Variants in PRUNE2 observed in about 807,000 individuals in gnomAD.
The protein encoded by PRUNE2 is protein prune homolog 2.
PRUNE2 carries 164 observed loss-of-function variants against 252.0 expected under a neutral mutation model. That is an observed-to-expected ratio of 0.65 (90% CI 0.57 to 0.74). The LOEUF (loss-of-function observed/expected upper bound fraction) is 0.74, where lower values mean the gene tolerates loss of function less well. PRUNE2 is among the 30% of genes least tolerant of loss of function. The pLI, the probability that PRUNE2 is intolerant of heterozygous loss-of-function variation, is 0.00. For missense variants in PRUNE2, 3,495 were observed against 3,711.0 expected (o/e 0.94, Z 1.51); for synonymous variants, 1,292 against 1,350.2 (o/e 0.96, Z 0.94).
chr9:76,624,616 T>C (rs1371897888), intron 16 of PRUNE2, 126 bp from the exon 17 acceptor site: 2 of 558,362 alleles, frequency 3.6e-6, no homozygotes, highest in Non-Finnish European at 5.8e-6. Context: ...AACTGTCTTC[T>C]GGAGCCCTGA....
chr9:76,882,685 C>A (rs2061857683), intron 1 of PRUNE2, among the ~76,000 whole-genome samples: 1 of 152,194 alleles, frequency 6.6e-6, no homozygotes, highest in Non-Finnish European at 1.5e-5. Context: ...CACTCACTAT[C>A]ACAGGAGCCG....
Position 76,636,652 on chromosome 9 carries a change from T to G in PRUNE2, c.8964-95A>C, listed in dbSNP as rs2132588802. 4 of 723,714 alleles carry G rather than the reference T, an allele frequency of 5.5e-6. No homozygotes were observed. In the Admixed American group the frequency reaches 1.0e-4, roughly 18 times the overall value. The allele number at this position is 723,714 out of a possible 1,614,324, so 44.8% of individuals were successfully genotyped here. ...TATTCCTAAATAAGAATATATATAA[T>G]TTAAGTCTGGCATGGTAGCTCATGC... On this transcript the variant is annotated intron_variant, in intron 14 of 18. Coordinates refer to ENST00000376718, the MANE Select transcript of PRUNE2 (RefSeq NM_015225.3).
rs2046402442 is a variant in PRUNE2, at chr9:76,707,637, G to C, written c.4637C>G (p.Ser1546Ter). 1.2e-6 allele frequency: 2 copies of C among 1,613,834 alleles called. No homozygotes were observed. Among genetic ancestry groups the C allele is most frequent in the East Asian group, 4.5e-5 (2 of 44,852 alleles). Residue 1546 changes from serine (S) to a stop codon, truncating the protein, a stop_gained, in exon 8 of 19, where the codon TCA becomes TGA. Coordinates refer to ENST00000376718, the MANE Select transcript of PRUNE2 (RefSeq NM_015225.3). LOFTEE classifies it high-confidence loss of function. ...ISSEYTHSSA[S>*]SPELNDSSVA... Reference sequence around the variant, plus strand: ...TGAAGAGTCATTTAACTCAGGACTTGATGCACTTGAATGAGTATACTCACT... The same window carrying C: ...TGAAGAGTCATTTAACTCAGGACTTCATGCACTTGAATGAGTATACTCACT...
chr9:76,838,553 G>T (rs539755576), intron 4 of PRUNE2, among the ~76,000 whole-genome samples: 1 of 151,168 alleles, frequency 6.6e-6, no homozygotes, highest in African/African-American at 2.4e-5. Context: ...GCTGAGGCAG[G>T]AGAATTGCTT....
At chr9:76,678,585 T>C (rs565906499) in intron 9 of PRUNE2, among the ~76,000 whole-genome samples, 2 of 150,924 alleles carry the variant, frequency 1.3e-5, no homozygotes, top group East Asian at 1.9e-4. Context: ...ATCCCAGCAC[T>C]TTAGGAGGCC....
In PRUNE2 at chr9:76,703,396, C is replaced by T. The variant is rs375034226; in HGVS notation, c.8217G>A (p.Thr2739=). ...QPVQKNMIPD[T]EMEEETEFLE... ...GGAACTCTGTCTCCTCCTCCATTTCCGTGTCAGGGATCATGTTTTTCTGAA... is the reference window on the plus strand; with the variant it reads ...GGAACTCTGTCTCCTCCTCCATTTCTGTGTCAGGGATCATGTTTTTCTGAA... Residue 2739 remains threonine, a synonymous_variant, in exon 9 of 19, where the codon ACG becomes ACA. Coordinates refer to ENST00000376718, the MANE Select transcript of PRUNE2 (RefSeq NM_015225.3). 116 of 1,612,652 alleles carry T rather than the reference C, an allele frequency of 7.2e-5. No homozygotes were observed. Among genetic ancestry groups the T allele is most frequent in the Non-Finnish European group, 9.1e-5 (107 of 1,179,236 alleles).
chr9:76,707,259 G>C lies in PRUNE2; in HGVS notation c.5015C>G (p.Thr1672Ser), dbSNP rs2046377685. Residue 1672 changes from threonine (T) to serine (S), a missense_variant, in exon 8 of 19, where the codon ACT becomes AGT. Coordinates refer to ENST00000376718, the MANE Select transcript of PRUNE2 (RefSeq NM_015225.3). Reference protein sequence around the residue: ...QEKNEHDISATVQPEDARVIS... With the variant: ...QEKNEHDISASVQPEDARVIS... ...GACCCTGGCATCCTCTGGCTGCACA[G>C]TTGCAGAAATGTCATGTTCATTTTT... 1 of 1,613,804 alleles carries C rather than the reference G, an allele frequency of 6.2e-7. No individual in the cohort carries two copies. The highest frequency in any genetic ancestry group is 1.3e-5 in the African/African-American group (1 of 74,896).
At chr9:76,616,104 G>A (rs72730645) in intron 18 of PRUNE2, among the ~76,000 whole-genome samples, 353 of 151,958 alleles carry the variant, frequency 2.3e-3, no homozygotes, top group Non-Finnish European at 3.7e-3. Flanking sequence ...ATAGCTCTTC[G>A]CTTTATTACC....
intron 9 of PRUNE2, among the ~76,000 whole-genome samples, chr9:76,666,917 A>T (rs2040311473): frequency 6.6e-6 from 1 of 152,092 alleles, no homozygotes; most frequent in African/African-American, 2.4e-5. Flanking sequence ...GTGGTGGTGC[A>T]TGCCTGTAAT....
chr9:76,658,886 T>G (rs1382559793), intron 9 of PRUNE2, among the ~76,000 whole-genome samples: 1 of 152,276 alleles, frequency 6.6e-6, no homozygotes, highest in East Asian at 1.9e-4. Context: ...CAAGTATTTC[T>G]GGCTCTCTGC....
At chr9:76,850,780 TA>T (rs1386994353) in intron 2 of PRUNE2, 115 bp from the exon 3 acceptor site, 1 of 734,720 alleles carries the variant, frequency 1.4e-6, no homozygotes, top group Non-Finnish European at 2.3e-6. Flanking sequence ...CTGGCCTCAC[TA>T]AACCACTTGG....
chr9:76,796,015 T>C (rs575912216), intron 6 of PRUNE2, among the ~76,000 whole-genome samples: 1 of 152,352 alleles, frequency 6.6e-6, no homozygotes, highest in Admixed American at 6.5e-5. Flanking sequence ...ACTGTTCCAA[T>C]CACTCACTTC....
At position 76,668,132 on chromosome 9, in the gene PRUNE2, G is replaced by C. The variant is rs919500903; in HGVS notation, c.8277-12630C>G. 7.9e-5 allele frequency among the ~76,000 whole-genome samples: 12 copies of C among 152,268 alleles called. No homozygotes were observed. The South Asian group carries it at 1.5e-3, about 18-fold the overall frequency. ...AATTGAGGTACAGTTTTTGGTTGTA[G>C]TCATCAAAATTTTAAATACACATAG... On this transcript the variant is annotated intron_variant, in intron 9 of 18. Transcript: ENST00000376718.
chr9:76,839,344 T>C (rs1349905821), intron 4 of PRUNE2, among the ~76,000 whole-genome samples: 1 of 152,116 alleles, frequency 6.6e-6, no homozygotes, highest in Admixed American at 6.5e-5. Flanking sequence ...AGTTACATCC[T>C]GGAGTGAGGA....
chr9:76,616,656 T>C (rs1441986725), intron 18 of PRUNE2, among the ~76,000 whole-genome samples: 1 of 152,200 alleles, frequency 6.6e-6, no homozygotes, highest in Non-Finnish European at 1.5e-5. Flanking sequence ...GCTAAAAGAC[T>C]GGAACCTGTT....
intron 1 of PRUNE2, among the ~76,000 whole-genome samples, chr9:76,881,055 C>T (rs2061750886): frequency 6.6e-6 from 1 of 151,606 alleles, no homozygotes; most frequent in Admixed American, 6.6e-5. Flanking sequence ...CCACCTCCCT[C>T]CCCCTGGGTT....
rs756947173 is a variant in PRUNE2, at chr9:76,706,891, T to C, written c.5383A>G (p.Thr1795Ala). Reference sequence around the variant, plus strand: ...GATATTTGCCATGCAACATCTCCTGTTGTCCCTGTTTCTGGAGAAGATCTC... The same window carrying C: ...GATATTTGCCATGCAACATCTCCTGCTGTCCCTGTTTCTGGAGAAGATCTC... ...EKRSSPETGTTGDVAWQISPK... is the reference protein window; with the variant it reads ...EKRSSPETGTAGDVAWQISPK... Residue 1795 changes from threonine (T) to alanine (A), a missense_variant, in exon 8 of 19, where the codon ACA (threonine) becomes GCA (alanine). Coordinates refer to ENST00000376718, the MANE Select transcript of PRUNE2 (RefSeq NM_015225.3). 244 of 1,599,116 alleles carry C rather than the reference T, an allele frequency of 1.5e-4. 5 individuals carry two copies. In the South Asian group the frequency reaches 2.7e-3, roughly 18 times the overall value.
intron 6 of PRUNE2, among the ~76,000 whole-genome samples, chr9:76,746,733 A>AC (rs1564202922): frequency 1.9e-4 from 29 of 150,208 alleles, no homozygotes; most frequent in African/African-American, 6.9e-4. Flanking sequence ...AAAAAAAAAA[A>AC]AAAAAAAACC....
At chr9:76,852,439 T>G (rs1366763488) in intron 2 of PRUNE2, among the ~76,000 whole-genome samples, 1 of 152,252 alleles carries the variant, frequency 6.6e-6, no homozygotes, top group Non-Finnish European at 1.5e-5. Flanking sequence ...AGCCCCAGTC[T>G]CTACCACGTA....
Sources: allele counts gnomAD v4.1 joint callset (sites outside exome capture counted in the v4.1 genomes callset), GRCh38; gene constraint gnomAD v4.1.1; transcripts MANE v1.5; gene names NCBI Gene and HGNC (gene_info 2026-07-23, HGNC 2026-07-21).